The following BTBD9 variants were observed in gnomAD, a reference collection of about 807,000 sequenced individuals.
BTBD9 encodes BTB domain containing 9, also known as BTB/POZ domain-containing protein 9.
Under a neutral mutation model 64.3 loss-of-function variants are expected in BTBD9, and 49 were observed. The observed-to-expected ratio is 0.76, with a 90% CI of 0.61 to 0.97. BTBD9 has a LOEUF of 0.97. BTBD9 is among the 50% of genes least tolerant of loss of function. BTBD9 has a pLI of 0.00. For synonymous variants in BTBD9, 260 were observed against 274.7 expected (o/e 0.95, Z 0.53); for missense variants, 598 against 762.1 (o/e 0.78, Z 2.53).
intron 7 of BTBD9, among the ~76,000 whole-genome samples, chr6:38,314,747 A>C (rs1200504522): frequency 6.6e-6 from 1 of 152,108 alleles, no homozygotes; most frequent in African/African-American, 2.4e-5. Flanking sequence ...CATTTCCTCT[A>C]GGTTTTCCAA....
At chr6:38,438,739 G>T (rs1449870382) in intron 6 of BTBD9, among the ~76,000 whole-genome samples, 1 of 132,246 alleles carries the variant, frequency 7.6e-6, no homozygotes, top group Non-Finnish European at 1.8e-5. Context: ...AGTGGGGAAA[G>T]ATAGAGACAA....
intron 6 of BTBD9, among the ~76,000 whole-genome samples, chr6:38,373,513 A>G (rs920341991): frequency 1.3e-5 from 2 of 152,124 alleles, no homozygotes; most frequent in Non-Finnish European, 2.9e-5. Flanking sequence ...ATTCTGCTAT[A>G]CCTAGTGTTG....
intron 7 of BTBD9, among the ~76,000 whole-genome samples, chr6:38,294,737 C>T (rs1762096162): frequency 6.6e-6 from 1 of 151,504 alleles, no homozygotes; most frequent in Admixed American, 6.6e-5. Context: ...ACCACCATGG[C>T]ATGTGTATAC....
intron 9 of BTBD9, among the ~76,000 whole-genome samples, chr6:38,196,314 G>T (rs993017153): frequency 1.3e-5 from 2 of 152,216 alleles, no homozygotes; most frequent in African/African-American, 4.8e-5. Flanking sequence ...AAATTATTTT[G>T]GTAAAGATTA....
chr6:38,612,842 C>T (rs1470866188), intron 1 of BTBD9: 2 of 152,208 alleles, frequency 1.3e-5, no homozygotes, highest in Non-Finnish European at 1.5e-5. Flanking sequence ...ACCTTCTTCC[C>T]TTTCAATTGC....
chr6:38,613,534 G>A (rs34360712), intron 1 of BTBD9, among the ~76,000 whole-genome samples: 12,935 of 152,116 alleles, frequency 0.085, 677 homozygotes, highest in Middle Eastern at 0.18. Context: ...TGGGGTGCAG[G>A]AGGTGGAGGC....
intron 6 of BTBD9, among the ~76,000 whole-genome samples, chr6:38,425,321 G>A (rs1364312873): frequency 6.6e-6 from 1 of 151,574 alleles, no homozygotes. Flanking sequence ...GGCCAGGCTG[G>A]TCTCAAACTC....
chr6:38,283,255 G>A (rs963934899), intron 8 of BTBD9, among the ~76,000 whole-genome samples: 1 of 152,200 alleles, frequency 6.6e-6, no homozygotes, highest in South Asian at 2.1e-4. Flanking sequence ...AGAAAAGGAA[G>A]AAATGGCTTC....
At chr6:38,347,064 C>G (rs1764311042) in intron 6 of BTBD9, among the ~76,000 whole-genome samples, 3 of 152,126 alleles carry the variant, frequency 2.0e-5, no homozygotes, top group Middle Eastern at 3.2e-3. Context: ...AATAACCTTC[C>G]TTCCCTCCTG....
At chr6:38,470,563 C>A (rs1770605688) in intron 6 of BTBD9, among the ~76,000 whole-genome samples, 1 of 152,192 alleles carries the variant, frequency 6.6e-6, no homozygotes. Flanking sequence ...CAGATACCAT[C>A]CCATTTATCC....
intron 6 of BTBD9, among the ~76,000 whole-genome samples, chr6:38,350,834 C>T (rs1764474176): frequency 6.6e-6 from 1 of 152,196 alleles, no homozygotes; most frequent in Non-Finnish European, 1.5e-5. Flanking sequence ...TGAGATCACC[C>T]AAGGTTTAGA....
intron 1 of BTBD9, among the ~76,000 whole-genome samples, chr6:38,626,837 T>G (rs1778185323): frequency 6.6e-6 from 1 of 152,184 alleles, no homozygotes; most frequent in African/African-American, 2.4e-5. Flanking sequence ...AAAGAAGCAC[T>G]GACCACAAAG....
intron 1 of BTBD9, among the ~76,000 whole-genome samples, chr6:38,637,695 A>G (rs1778573166): frequency 6.6e-6 from 1 of 152,194 alleles, no homozygotes; most frequent in African/African-American, 2.4e-5. Context: ...TAGATTTTAG[A>G]TAATGAGACA....
At position 38,173,647 on chromosome 6, in the gene BTBD9, G is replaced by C. The variant is rs1766881901; in HGVS notation, c.*1338C>G. 1 of 152,256 alleles carries C rather than the reference G, an allele frequency of 6.6e-6. No homozygotes were observed. Among genetic ancestry groups the C allele is most frequent in the South Asian group, 2.1e-4 (1 of 4,834 alleles). 9.4% of individuals were successfully genotyped at this position (152,256 alleles called of 1,614,324 possible). A position where few individuals can be genotyped will look rare whatever the true frequency, so the allele number is the denominator to read the frequency against. On this transcript the variant is annotated 3_prime_UTR_variant, in exon 11 of 11. Transcript: ENST00000481247. ...GATATGTCTTTGACACACCTGAAAG[G>C]AAACTCCCACGCCCTCACCCTCCTT...
At chr6:38,547,891 T>C (rs1396904412) in intron 6 of BTBD9, among the ~76,000 whole-genome samples, 1 of 152,216 alleles carries the variant, frequency 6.6e-6, no homozygotes, top group Non-Finnish European at 1.5e-5. Flanking sequence ...TTTTCTGTCT[T>C]ATTAATATTA....
chr6:38,502,985 A>T (rs1772282111), intron 6 of BTBD9, among the ~76,000 whole-genome samples: 1 of 152,200 alleles, frequency 6.6e-6, no homozygotes, highest in African/African-American at 2.4e-5. Flanking sequence ...CACACTATGG[A>T]AACAGATGAG....
chr6:38,247,954 A>G (rs527403660), intron 9 of BTBD9, among the ~76,000 whole-genome samples: 6 of 152,278 alleles, frequency 3.9e-5, no homozygotes, highest in South Asian at 2.1e-4. Context: ...TTTTTCAAGT[A>G]AAGTGTTTTT....
intron 6 of BTBD9, among the ~76,000 whole-genome samples, chr6:38,379,686 T>C (rs1472947427): frequency 2.6e-5 from 4 of 152,174 alleles, no homozygotes; most frequent in Admixed American, 2.6e-4. Flanking sequence ...TAAAAAAGAT[T>C]ATCAATAAGT....
chr6:38,350,377 T>C (rs540636941), intron 6 of BTBD9, among the ~76,000 whole-genome samples: 1 of 152,358 alleles, frequency 6.6e-6, no homozygotes, highest in African/African-American at 2.4e-5. Flanking sequence ...CAGCAACTTC[T>C]GCATTCCAAC....
Sources: gnomAD v4.1 joint callset for allele counts (sites outside exome capture counted in the v4.1 genomes callset) on GRCh38, gnomAD v4.1.1 for gene constraint, MANE v1.5 for transcripts, NCBI Gene and HGNC (gene_info 2026-07-23, HGNC 2026-07-21) for gene names.